SP3: variants seen among roughly 807,000 people sequenced by gnomAD.
The protein encoded by SP3 is Sp3 transcription factor, also known as transcription factor Sp3.
A neutral mutation model predicts 70.3 loss-of-function variants in SP3; 10 were observed. The observed-to-expected ratio is 0.14, with a 90% CI of 0.09 to 0.24. SP3 has a LOEUF of 0.24. SP3 is among the 10% of genes least tolerant of loss of function. SP3 has a pLI of 1.00. For synonymous variants in SP3, 402 were observed against 333.5 expected, an observed-to-expected ratio of 1.21 and a Z score of -2.24; for missense variants, 825 against 914.6, an observed-to-expected ratio of 0.90 and a Z score of 1.26.
At chr2:173,927,215 T>C (rs1033449783) in intron 4 of SP3, among the ~76,000 whole-genome samples, 4 of 151,886 alleles carry the variant, frequency 2.6e-5, no homozygotes, top group South Asian at 2.1e-4. Context: ...TCCTCCCACA[T>C]TGGGGATTAC....
intron 4 of SP3, among the ~76,000 whole-genome samples, chr2:173,940,157 A>G (rs761600595): frequency 1.3e-4 from 20 of 152,108 alleles, no homozygotes; most frequent in Non-Finnish European, 1.5e-5. Flanking sequence ...GGATTATGCC[A>G]CCACACTCAG....
intron 3 of SP3, among the ~76,000 whole-genome samples, chr2:173,959,364 T>C (rs1280088911): frequency 1.4e-5 from 2 of 146,136 alleles, no homozygotes; most frequent in Admixed American, 6.8e-5. Flanking sequence ...AAAAAAAAAG[T>C]TTGAAAAATG....
intron 4 of SP3, among the ~76,000 whole-genome samples, chr2:173,943,455 C>T (rs894288672): frequency 5.9e-5 from 9 of 152,086 alleles, no homozygotes; most frequent in African/African-American, 2.2e-4. Flanking sequence ...AAATAACCAC[C>T]ATACTCCATG....
intron 4 of SP3, among the ~76,000 whole-genome samples, chr2:173,941,230 C>A (rs1207361745): frequency 2.0e-5 from 3 of 151,956 alleles, no homozygotes; most frequent in East Asian, 1.9e-4. Flanking sequence ...CTTAATGAAA[C>A]CACTTGTTAA....
intron 4 of SP3, among the ~76,000 whole-genome samples, chr2:173,922,227 CAG>C (rs1310132897): frequency 6.6e-6 from 1 of 151,072 alleles, no homozygotes; most frequent in African/African-American, 2.4e-5. Flanking sequence ...CATCTGCTAA[CAG>C]ATTGATAACA....
chr2:173,906,343 CTAAA>C lies in SP3; in HGVS notation c.*3594_*3597del, dbSNP rs1689319957. The C allele has an allele frequency of 6.6e-6, 1 of 152,124 alleles. No homozygotes were observed. Among genetic ancestry groups the C allele is most frequent in the African/African-American group, 2.4e-5 (1 of 41,414 alleles). 9.4% of individuals were successfully genotyped at this position (152,124 alleles called of 1,614,324 possible). A position where few individuals can be genotyped will look rare whatever the true frequency, so the allele number is the denominator to read the frequency against. ...AGGGGCCAATGTTGTTTCTTCAACA[CTAAA>C]TAAAATTATGAGGTGATTTCACAAA... On this transcript the variant is annotated 3_prime_UTR_variant, in exon 7 of 7. Transcript: ENST00000310015.
chr2:173,956,833 A>T (rs1164343672), intron 3 of SP3, among the ~76,000 whole-genome samples: 1 of 152,194 alleles, frequency 6.6e-6, no homozygotes, highest in Admixed American at 6.5e-5. Flanking sequence ...CCACATGACA[A>T]CGTAGCCCCA....
chr2:173,935,616 T>C (rs950404310), intron 4 of SP3, among the ~76,000 whole-genome samples: 1 of 152,176 alleles, frequency 6.6e-6, no homozygotes, highest in African/African-American at 2.4e-5. Context: ...ATCCCCAAAA[T>C]TTCCCAAAAC....
chr2:173,911,817 T>A (rs1269488638), intron 6 of SP3, among the ~76,000 whole-genome samples: 2 of 129,868 alleles, frequency 1.5e-5, no homozygotes, highest in Non-Finnish European at 3.2e-5. Context: ...ATCTACCTTT[T>A]TTTTTTTTTT....
intron 6 of SP3, among the ~76,000 whole-genome samples, chr2:173,910,997 G>A (rs772837849): frequency 6.6e-6 from 1 of 152,172 alleles, no homozygotes; most frequent in African/African-American, 2.4e-5. Context: ...GGAATTCAGA[G>A]AGAAATCAAT....
chr2:173,944,558 C>G (rs1340950029), intron 4 of SP3, among the ~76,000 whole-genome samples: 1 of 152,074 alleles, frequency 6.6e-6, no homozygotes, highest in Non-Finnish European at 1.5e-5. Context: ...AAATTGTCCC[C>G]AAGAACCACT....
At chr2:173,945,811 T>C (rs1470399216) in intron 4 of SP3, among the ~76,000 whole-genome samples, 2 of 152,190 alleles carry the variant, frequency 1.3e-5, no homozygotes, top group Non-Finnish European at 2.9e-5. Flanking sequence ...TAATATTATA[T>C]GATGTCAGAT....
At chr2:173,964,639 T>A in intron 1 of SP3, 86 bp from the exon 2 acceptor site, 1 of 499,530 alleles carries the variant, frequency 2.0e-6, no homozygotes, top group Non-Finnish European at 3.8e-6. Context: ...GCGAAATTAC[T>A]CCCAAAGCCC....
intron 3 of SP3, chr2:173,963,292 A>G (rs1360791139): frequency 1.3e-5 from 2 of 152,162 alleles, no homozygotes; most frequent in African/African-American, 4.8e-5. Context: ...CAAAGAATAA[A>G]CCCTCATTTT....
intron 3 of SP3, among the ~76,000 whole-genome samples, chr2:173,961,488 T>C (rs939769347): frequency 1.3e-5 from 2 of 152,172 alleles, no homozygotes; most frequent in Non-Finnish European, 2.9e-5. Context: ...AAATGGACAT[T>C]AGTGGAAAAG....
intron 4 of SP3, among the ~76,000 whole-genome samples, chr2:173,923,884 A>T (rs996852037): frequency 2.0e-5 from 3 of 152,048 alleles, no homozygotes; most frequent in African/African-American, 7.2e-5. Context: ...ACAATATCTC[A>T]TGTATTATAA....
rs1233689624 is a variant in SP3, at chr2:173,907,434, T to C, written c.*2507A>G. 2.6e-5 allele frequency: 4 copies of C among 152,114 alleles called. No individual in the cohort carries two copies. Among genetic ancestry groups the C allele is most frequent in the African/African-American group, 9.7e-5 (4 of 41,440 alleles). 9.4% of individuals were successfully genotyped at this position (152,114 alleles called of 1,614,324 possible). The stretch of plus-strand genomic sequence containing the variant: ...TAGAAATATTTAAAATTATCTACAC[T>C]GAGGTTACATAACTTTGGTAAAAGT... On this transcript the variant is annotated 3_prime_UTR_variant, in exon 7 of 7. Coordinates refer to ENST00000310015, the MANE Select transcript of SP3 (RefSeq NM_003111.5).
chr2:173,902,909 C>T lies in SP3; in HGVS notation c.*7032G>A, dbSNP rs1689215790. Among the ~76,000 whole-genome samples, 2 of 152,124 alleles carry T rather than the reference C, an allele frequency of 1.3e-5. No homozygotes were observed. Among genetic ancestry groups the T allele is most frequent in the African/African-American group, 4.8e-5 (2 of 41,420 alleles). The stretch of plus-strand genomic sequence containing the variant: ...TACAGATTTCAGGCACAACTGTGAT[C>T]ATTCCTTTCTAAAAGAAAAAATATA... On this transcript the variant is annotated 3_prime_UTR_variant, in exon 7 of 7. Coordinates refer to ENST00000310015, the MANE Select transcript of SP3 (RefSeq NM_003111.5).
chr2:173,952,043 G>A (rs1690723215), intron 4 of SP3, among the ~76,000 whole-genome samples: 2 of 151,092 alleles, frequency 1.3e-5, no homozygotes, highest in African/African-American at 2.4e-5. Flanking sequence ...CACAAATTTT[G>A]TCATCTGCAG....
Sources: allele counts gnomAD v4.1 joint callset (sites outside exome capture counted in the v4.1 genomes callset), GRCh38; gene constraint gnomAD v4.1.1; transcripts MANE v1.5; gene names NCBI Gene and HGNC (gene_info 2026-07-23, HGNC 2026-07-21).